The following CRYBG3 variants were observed in gnomAD, a reference collection of about 807,000 sequenced individuals.
The protein encoded by CRYBG3 is very large A-kinase anchor protein.
In CRYBG3, 127 loss-of-function variants were observed where a neutral mutation model predicts 244.2. The observed-to-expected ratio is 0.52, with a 90% CI of 0.45 to 0.60. The LOEUF (loss-of-function observed/expected upper bound fraction) is 0.60. Ranked by LOEUF, CRYBG3 falls within the 20% of genes least tolerant of loss-of-function variation. The probability of loss-of-function intolerance (pLI) is 0.00; values close to 1 mark genes in which losing one functional copy is unlikely to be tolerated. For synonymous variants in CRYBG3, 1,132 were observed against 1,195.8 expected (o/e 0.95, Z 1.10); for missense variants, 3,325 against 3,442.5 (o/e 0.97, Z 0.85).
At chr3:97,843,295 G>T in intron 2 of CRYBG3, 34 bp downstream of exon 2, 1 of 991,218 alleles carries the variant, frequency 1.0e-6, no homozygotes, top group Non-Finnish European at 1.5e-6. Flanking sequence ...TTTATATCAA[G>T]CAAATATCTT....
Position 97,876,905 on chromosome 3 carries a change from T to G in CRYBG3, c.5711T>G (p.Val1904Gly). 6.9e-7 allele frequency: 1 copy of G among 1,444,882 alleles called. No individual in the cohort carries two copies. The highest frequency in any genetic ancestry group is 9.1e-7 in the Non-Finnish European group (1 of 1,098,788). 89.5% of individuals were successfully genotyped at this position (1,444,882 alleles called of 1,614,324 possible). A position where few individuals can be genotyped will look rare whatever the true frequency, so the allele number is the denominator to read the frequency against. The part of the protein sequence containing the change: ...KTPQEYAEGS[V>G]EETKEEPTEI... ...CCACAAGAGTATGCTGAAGGGAGTG[T>G]TGAAGAAACAAAGGAAGAGCCTACA... is the stretch of plus-strand genomic sequence containing the variant. The change falls in exon 4 of 22, where the codon GTT becomes GGT. Residue 1904 changes from valine (V) to glycine (G), a missense_variant. Physicochemically the swap from Val to Gly is moderately radical, Grantham distance 109. Transcript: ENST00000389622.
At chr3:97,833,923 A>T (rs1443095951) in intron 1 of CRYBG3, among the ~76,000 whole-genome samples, 1 of 152,100 alleles carries the variant, frequency 6.6e-6, no homozygotes, top group Non-Finnish European at 1.5e-5. Context: ...GGTGGAAGGT[A>T]CAGGAATCAC....
At chr3:97,830,732 G>T (rs1448949529) in intron 1 of CRYBG3, among the ~76,000 whole-genome samples, 1 of 151,954 alleles carries the variant, frequency 6.6e-6, no homozygotes, top group Non-Finnish European at 1.5e-5. Flanking sequence ...TTTTTTCTTT[G>T]TGAATTTTGA....
chr3:97,929,588 A>G lies in CRYBG3; in HGVS notation c.8242-4106A>G, dbSNP rs566427848. Among the ~76,000 whole-genome samples, 6 of 152,134 alleles carry G rather than the reference A, an allele frequency of 3.9e-5. No individual in the cohort carries two copies. The South Asian group carries it at 1.0e-3, about 26-fold the overall frequency. On this transcript the variant is annotated intron_variant, in intron 17 of 21. Coordinates refer to ENST00000389622, the MANE Select transcript of CRYBG3 (RefSeq NM_153605.4). ...AGAAAAAAATCAAAGCTTCAAAAAC[A>G]GTAGATGTTCTCAAATGTAAAATTT...
intron 18 of CRYBG3, among the ~76,000 whole-genome samples, chr3:97,935,099 A>G (rs2040147021): frequency 6.6e-6 from 1 of 152,006 alleles, no homozygotes; most frequent in African/African-American, 2.4e-5. Flanking sequence ...ATACTACTTA[A>G]TGTACAGCCA....
At chr3:97,895,711 A>G (rs1279516340) in intron 11 of CRYBG3, among the ~76,000 whole-genome samples, 1 of 152,208 alleles carries the variant, frequency 6.6e-6, no homozygotes, top group Non-Finnish European at 1.5e-5. Flanking sequence ...CACCACAAAC[A>G]TTTAAAAAGC....
At chr3:97,869,232 C>A (rs1488386119) in intron 3 of CRYBG3, among the ~76,000 whole-genome samples, 5 of 151,970 alleles carry the variant, frequency 3.3e-5, no homozygotes, top group Non-Finnish European at 7.4e-5. Flanking sequence ...TTCATTCATT[C>A]ATTCATTCAA....
chr3:97,901,141 A>G (rs964744562), intron 15 of CRYBG3, among the ~76,000 whole-genome samples: 4 of 152,222 alleles, frequency 2.6e-5, no homozygotes, highest in African/African-American at 9.6e-5. Context: ...AGCAAAAGAG[A>G]CATTTCTAGT....
At chr3:97,889,570 G>A (rs2039551347) in intron 10 of CRYBG3, among the ~76,000 whole-genome samples, 180 bp downstream of exon 10, 1 of 152,188 alleles carries the variant, frequency 6.6e-6, no homozygotes. Context: ...CCCTATGGCT[G>A]TGAATGGAGA....
intron 1 of CRYBG3, among the ~76,000 whole-genome samples, chr3:97,834,375 G>A (rs561582017): frequency 6.6e-6 from 1 of 152,076 alleles, no homozygotes; most frequent in Admixed American, 6.6e-5. Flanking sequence ...GTATTTGGGT[G>A]GTCTCACCAA....
intron 16 of CRYBG3, among the ~76,000 whole-genome samples, chr3:97,913,842 T>G (rs1359759367): frequency 6.6e-6 from 1 of 152,210 alleles, no homozygotes; most frequent in East Asian, 1.9e-4. Flanking sequence ...CAGAAGATTT[T>G]ACGACTTGGA....
intron 15 of CRYBG3, among the ~76,000 whole-genome samples, chr3:97,910,535 C>G (rs558981510): frequency 9.2e-5 from 14 of 152,302 alleles, no homozygotes; most frequent in African/African-American, 3.4e-4. Flanking sequence ...TCACCCCTTT[C>G]TTTGACTCAG....
At chr3:97,880,328 G>T (rs1405276302) in intron 6 of CRYBG3, among the ~76,000 whole-genome samples, 3 of 152,158 alleles carry the variant, frequency 2.0e-5, no homozygotes, top group Admixed American at 6.5e-5. Flanking sequence ...TAAGTTGCAA[G>T]ACCTAATCTA....
intron 19 of CRYBG3, among the ~76,000 whole-genome samples, chr3:97,939,513 AGT>A (rs1426335031): frequency 6.6e-6 from 1 of 152,006 alleles, no homozygotes; most frequent in African/African-American, 2.4e-5. Flanking sequence ...AATGTATATC[AGT>A]GTTTTTAAGT....
chr3:97,908,891 G>T (rs1195305306), intron 15 of CRYBG3, among the ~76,000 whole-genome samples: 2 of 152,172 alleles, frequency 1.3e-5, no homozygotes, highest in African/African-American at 2.4e-5. Flanking sequence ...GGTACTGGTT[G>T]TTCCTTTCCA....
chr3:97,871,761 G>A, intron 3 of CRYBG3, 81 bp from the exon 4 acceptor site: 1 of 987,426 alleles, frequency 1.0e-6, no homozygotes, highest in Non-Finnish European at 1.4e-6. Context: ...TTTAAAAGAT[G>A]TACTTTTACC....
Position 97,873,346 on chromosome 3 carries a change from C to T in CRYBG3, c.2152C>T (p.Pro718Ser), listed in dbSNP as rs544067758. The change falls in exon 4 of 22, where the codon CCT becomes TCT. Residue 718 changes from proline to serine, a missense_variant. Around this residue, in one of 4 missense-constraint regions of CRYBG3, gnomAD observed 1,526 missense variants for 1,443.2 expected, o/e 1.06. Coordinates refer to ENST00000389622, the MANE Select transcript of CRYBG3 (RefSeq NM_153605.4). ...TGAGGCTGCAGGCAGGAAGAGTCCT[C>T]CTCCTTCCTTTTGCCTTGAATATAC... Reference protein sequence around the residue: ...HVEAAGRKSPPPSFCLEYTSA... With the variant: ...HVEAAGRKSPSPSFCLEYTSA... The T allele has an allele frequency of 2.6e-6, 4 of 1,535,864 alleles. No homozygotes were observed. The highest frequency in any genetic ancestry group is 1.4e-5 in the African/African-American group (1 of 73,138).
intron 18 of CRYBG3, among the ~76,000 whole-genome samples, 188 bp downstream of exon 18, chr3:97,934,021 C>A (rs2040131738): frequency 6.6e-6 from 1 of 152,116 alleles, no homozygotes; most frequent in African/African-American, 2.4e-5. Context: ...TGACTTTACC[C>A]AGTTGAACTT....
intron 1 of CRYBG3, among the ~76,000 whole-genome samples, chr3:97,830,107 A>G (rs1338531800): frequency 1.3e-5 from 2 of 152,204 alleles, no homozygotes; most frequent in Non-Finnish European, 2.9e-5. Flanking sequence ...GGAAGATTAA[A>G]TAAACCTGTA....
Sources: gnomAD v4.1 joint callset for allele counts (sites outside exome capture counted in the v4.1 genomes callset) on GRCh38, gnomAD v4.1.1 for gene constraint, gnomAD v4.1.1 regional missense constraint, MANE v1.5 for transcripts, NCBI Gene and HGNC (gene_info 2026-07-23, HGNC 2026-07-21) for gene names.